The following DENND2C variants were observed in gnomAD, a reference collection of about 807,000 sequenced individuals.
DENND2C encodes DENN domain-containing protein 2C.
Under a neutral mutation model 112.4 loss-of-function variants are expected in DENND2C, and 72 were observed. That is an observed-to-expected ratio of 0.64 (90% CI 0.53 to 0.78). DENND2C has a LOEUF of 0.78. Among genes scored for constraint, DENND2C ranks in the 30% least tolerant of loss-of-function variants. The pLI, the probability that DENND2C is intolerant of heterozygous loss-of-function variation, is 0.00. For missense variants in DENND2C, 992 were observed against 1,113.8 expected (o/e 0.89, Z 1.56); for synonymous variants, 329 against 381.6 (o/e 0.86, Z 1.61).
intron 6 of DENND2C, 136 bp downstream of exon 6, chr1:114,622,851 T>A (rs222502): frequency 0.85 from 431,299 of 505,762 alleles, 185,561 homozygotes; most frequent in African/African-American, 0.96. Flanking sequence ...AAACAAAAAT[T>A]AAAAAAACTA....
chr1:114,668,983 A>G (rs56341629), intron 1 of DENND2C, among the ~76,000 whole-genome samples: 4,535 of 152,316 alleles, frequency 0.03, 100 homozygotes, highest in Non-Finnish European at 0.044. Context: ...TATAGATAAC[A>G]CCACTGTGCT....
intron 8 of DENND2C, among the ~76,000 whole-genome samples, chr1:114,617,586 C>T (rs1055133563): frequency 6.6e-6 from 1 of 151,788 alleles, no homozygotes; most frequent in Non-Finnish European, 1.5e-5. Context: ...GGATTACAGG[C>T]GTAAGCCACC....
intron 18 of DENND2C, 52 bp from the exon 19 acceptor site, chr1:114,588,004 A>T: frequency 6.7e-7 from 1 of 1,486,986 alleles, no homozygotes; most frequent in Non-Finnish European, 9.3e-7. Flanking sequence ...AGTTATCTGT[A>T]TCTGGAAACA....
At chr1:114,669,799 G>A (rs1244340147) in intron 1 of DENND2C, among the ~76,000 whole-genome samples, 184 bp downstream of exon 1, 2 of 152,020 alleles carry the variant, frequency 1.3e-5, no homozygotes, top group East Asian at 1.9e-4. Flanking sequence ...TCCTCCGGAC[G>A]GAGGAGGTGC....
chr1:114,587,216 T>C, intron 20 of DENND2C, 171 bp downstream of exon 20: 1 of 704,702 alleles, frequency 1.4e-6, no homozygotes, highest in Non-Finnish European at 2.4e-6. Flanking sequence ...CCAGCTAATT[T>C]TAAAATTTTG....
At chr1:114,621,345 T>C (rs192939470) in intron 7 of DENND2C, among the ~76,000 whole-genome samples, 242 of 152,356 alleles carry the variant, frequency 1.6e-3, no homozygotes, top group Non-Finnish European at 2.4e-3. Context: ...ATGCTTCTAG[T>C]AGAGATGATG....
At chr1:114,645,905 G>C (rs1450194193) in intron 2 of DENND2C, among the ~76,000 whole-genome samples, 1 of 151,666 alleles carries the variant, frequency 6.6e-6, no homozygotes, top group Non-Finnish European at 1.5e-5. Flanking sequence ...TGCAAATCAT[G>C]TTTCTTTAGA....
chr1:114,605,035 A>C lies in DENND2C; in HGVS notation c.1558-4T>G, dbSNP rs761404526. ...ACTGCTTATAGCCATGATCATCCTG[A>C]AAAAGATAACACCATAGGTGACTTA... On this transcript the variant is annotated splice_polypyrimidine_tract_variant and splice_region_variant and intron_variant, in intron 10 of 20. Transcript: ENST00000393274. 1 of 1,601,956 alleles carries C rather than the reference A, an allele frequency of 6.2e-7. No homozygotes were observed. Among genetic ancestry groups the C allele is most frequent in the Middle Eastern group, 1.7e-4 (1 of 6,016 alleles).
chr1:114,652,777 G>A (rs997424781), intron 2 of DENND2C, among the ~76,000 whole-genome samples: 1 of 150,080 alleles, frequency 6.7e-6, no homozygotes, highest in Non-Finnish European at 1.5e-5. Flanking sequence ...GAACTCCCGG[G>A]CTCAAGTGAT....
intron 3 of DENND2C, among the ~76,000 whole-genome samples, chr1:114,638,994 C>A (rs1047663212): frequency 5.3e-5 from 8 of 151,940 alleles, no homozygotes; most frequent in African/African-American, 2.4e-5. Flanking sequence ...CCTAAAAAGT[C>A]AAACAACACA....
intron 4 of DENND2C, 101 bp downstream of exon 4, chr1:114,625,078 C>A: frequency 1.1e-5 from 14 of 1,230,676 alleles, no homozygotes; most frequent in Non-Finnish European, 1.6e-5. Flanking sequence ...AGGGGCATCA[C>A]CTAAGCTGGG....
intron 2 of DENND2C, among the ~76,000 whole-genome samples, chr1:114,647,359 AT>A (rs879404986): frequency 0.042 from 5,986 of 142,548 alleles, 348 homozygotes; most frequent in African/African-American, 0.13. Context: ...GTACAATGTG[AT>A]TTTTTTTTTT....
At position 114,613,441 on chromosome 1, in the gene DENND2C, C is replaced by T. The variant is rs540348197; in HGVS notation, c.1325-2324G>A. ...ATTCTTAAGATAGGTGGGAAAGACA[C>T]ATAAGAGATGTTACAGAAAAAATGC... On this transcript the variant is annotated intron_variant, in intron 8 of 20. Transcript: ENST00000393274. Among the ~76,000 whole-genome samples the T allele has an allele frequency of 8.1e-4, 123 of 152,182 alleles. 1 individual carries two copies. Among genetic ancestry groups the T allele is most frequent in the African/African-American group, 2.8e-3 (115 of 41,522 alleles).
chr1:114,643,850 T>TA (rs61309948), intron 3 of DENND2C, among the ~76,000 whole-genome samples: 133,169 of 152,200 alleles, frequency 0.87, 58,762 homozygotes, highest in African/African-American at 0.96. Context: ...ATAGCTGACA[T>TA]ATGCAGATTA....
intron 10 of DENND2C, among the ~76,000 whole-genome samples, chr1:114,606,748 C>T (rs1260033338): frequency 6.6e-6 from 1 of 152,192 alleles, no homozygotes; most frequent in African/African-American, 2.4e-5. Flanking sequence ...TGACTGTAGA[C>T]TCTCCCAGAC....
In DENND2C at chr1:114,587,435, T is replaced by C. The variant is rs781416972; in HGVS notation, c.2707A>G (p.Ile903Val). The C allele has an allele frequency of 6.2e-6, 10 of 1,614,192 alleles. No homozygotes were observed. Among genetic ancestry groups the C allele is most frequent in the Middle Eastern group, 1.6e-4 (1 of 6,062 alleles). ...ATCCCACTGGGCTCCGACTCAGGAA[T>C]TGTTTCCAAATACTGGATGGCCCGG... ...EIRAIQYLET[I>V]PESEPSGMNR... The change falls in exon 20 of 21, where the codon ATT (isoleucine) becomes GTT (valine). Residue 903 changes from isoleucine (I) to valine (V), a missense_variant. By Grantham distance (29) the Ile-to-Val change is conservative. This residue lies in a region of DENND2C where 516 missense variants were observed against 623.6 expected (regional missense o/e 0.83). Transcript: ENST00000393274.
chr1:114,587,664 T>C (rs1200429853), intron 19 of DENND2C, 52 bp downstream of exon 19: 1 of 1,496,066 alleles, frequency 6.7e-7, no homozygotes, highest in Non-Finnish European at 9.1e-7. Flanking sequence ...TATAGTAAAA[T>C]CTTTCAAGGT....
intron 3 of DENND2C, among the ~76,000 whole-genome samples, chr1:114,639,060 A>C (rs1400935876): frequency 6.6e-6 from 1 of 152,192 alleles, no homozygotes; most frequent in African/African-American, 2.4e-5. Context: ...GTAGCCAATA[A>C]GCACAATAAA....
intron 3 of DENND2C, among the ~76,000 whole-genome samples, chr1:114,643,979 C>A (rs1656911799): frequency 1.3e-5 from 2 of 152,190 alleles, no homozygotes; most frequent in Admixed American, 1.3e-4. Context: ...AATTCCTTTT[C>A]TTTGCTGTTT....
Sources: allele counts gnomAD v4.1 joint callset (sites outside exome capture counted in the v4.1 genomes callset), GRCh38; gene constraint gnomAD v4.1.1; regional missense constraint gnomAD v4.1.1; transcripts MANE v1.5; gene names NCBI Gene and HGNC (gene_info 2026-07-23, HGNC 2026-07-21).